MTOR: variants seen among roughly 807,000 people sequenced by gnomAD.
MTOR encodes the protein mechanistic target of rapamycin kinase, also known as serine/threonine-protein kinase mTOR.
MTOR carries 70 observed loss-of-function variants against 319.8 expected under a neutral mutation model. The observed-to-expected ratio is 0.22, with a 90% CI of 0.18 to 0.27. The LOEUF (loss-of-function observed/expected upper bound fraction) is 0.27, where lower values mean the gene tolerates loss of function less well. MTOR is among the 10% of genes least tolerant of loss of function. The pLI is 1.00. For missense variants in MTOR, 1,890 were observed against 3,274.4 expected (o/e 0.58, Z 10.32); for synonymous variants, 1,183 against 1,211.4 (o/e 0.98, Z 0.49).
At chr1:11,172,040 A>G (rs1644831277) in intron 28 of MTOR, among the ~76,000 whole-genome samples, 1 of 151,796 alleles carries the variant, frequency 6.6e-6, no homozygotes, top group Non-Finnish European at 1.5e-5. Flanking sequence ...CAAAAAAAAA[A>G]AAAAAAAGAG....
At chr1:11,240,185 A>G (rs1647820955) in intron 11 of MTOR, 118 bp downstream of exon 11, 1 of 1,352,878 alleles carries the variant, frequency 7.4e-7, no homozygotes, top group Non-Finnish European at 9.9e-7. Flanking sequence ...CTGCTACAGA[A>G]TCAGCTACCC....
chr1:11,244,845 T>C (rs950970209), intron 8 of MTOR, among the ~76,000 whole-genome samples: 1 of 152,218 alleles, frequency 6.6e-6, no homozygotes, highest in Non-Finnish European at 1.5e-5. Flanking sequence ...GCTGTACAAG[T>C]TGTAGCCCAG....
chr1:11,231,028 C>T lies in MTOR; in HGVS notation c.2676G>A (p.Gly892=), dbSNP rs1156960202. The part of the protein sequence containing the change: ...REAIRVLGLL[G]ALDPYKHKVN... ...CTTTGTGCTTGTAAGGATCCAAAGC[C>T]CCTAAAAGCCCTAACACACGGATGG... Residue 892 remains glycine (G), a synonymous_variant, in exon 18 of 58, where the codon GGG becomes GGA. Coordinates refer to ENST00000361445, the MANE Select transcript of MTOR (RefSeq NM_004958.4). 1 of 1,613,992 alleles carries T rather than the reference C, an allele frequency of 6.2e-7. No homozygotes were observed. The highest frequency in any genetic ancestry group is 2.2e-5 in the East Asian group (1 of 44,892).
chr1:11,259,187 C>A, intron 2 of MTOR, 61 bp downstream of exon 2: 1 of 1,567,674 alleles, frequency 6.4e-7, no homozygotes, highest in African/African-American at 1.4e-5. Flanking sequence ...AAAATGTAAA[C>A]CAGTGATGGT....
intron 28 of MTOR, among the ~76,000 whole-genome samples, chr1:11,187,782 G>A (rs1285794646): frequency 2.0e-5 from 3 of 152,304 alleles, no homozygotes; most frequent in South Asian, 2.1e-4. Context: ...CTAAGGCTGT[G>A]GTGCCCAGCT....
intron 28 of MTOR, among the ~76,000 whole-genome samples, chr1:11,172,011 C>G (rs1200775029): frequency 1.6e-5 from 2 of 122,204 alleles, no homozygotes; most frequent in Non-Finnish European, 3.4e-5. Context: ...GCCTGGGCAA[C>G]AAGAGCAAAA....
At chr1:11,163,943 C>A (rs1644556395) in intron 29 of MTOR, among the ~76,000 whole-genome samples, 1 of 152,110 alleles carries the variant, frequency 6.6e-6, no homozygotes, top group Non-Finnish European at 1.5e-5. Flanking sequence ...CAGAGCAGAA[C>A]TGAAGGAGAC....
intron 31 of MTOR, among the ~76,000 whole-genome samples, chr1:11,147,961 G>C (rs1057062117): frequency 1.3e-5 from 2 of 152,218 alleles, no homozygotes; most frequent in Non-Finnish European, 2.9e-5. Context: ...GAGGAGAATA[G>C]AGACAATAAA....
At chr1:11,142,831 A>G (rs1007221168) in intron 34 of MTOR, among the ~76,000 whole-genome samples, 7 of 152,210 alleles carry the variant, frequency 4.6e-5, no homozygotes, top group Non-Finnish European at 8.8e-5. Flanking sequence ...TGACCTCTCT[A>G]ACTGCCCTAT....
At chr1:11,174,440 C>A (rs1644920957) in intron 28 of MTOR, among the ~76,000 whole-genome samples, 1 of 152,202 alleles carries the variant, frequency 6.6e-6, no homozygotes. Flanking sequence ...CCAGAAGCTA[C>A]TAATATGCCT....
Position 11,134,229 on chromosome 1 carries a change from G to A in MTOR, c.5246+122C>T. The A allele has an allele frequency of 2.4e-5, 19 of 798,000 alleles. 1 individual carries two copies. The South Asian group carries it at 3.1e-4, about 13-fold the overall frequency. 49.4% of individuals were successfully genotyped at this position (798,000 alleles called of 1,614,324 possible). Reference sequence around the variant, plus strand: ...TGGTGGTTGCCTGGGATCCCTACTGGAAAAGGAAAGAGAGATGTCAGCAAT... The same window carrying A: ...TGGTGGTTGCCTGGGATCCCTACTGAAAAAGGAAAGAGAGATGTCAGCAAT... On this transcript the variant is annotated intron_variant, in intron 37 of 57. Coordinates refer to ENST00000361445, the MANE Select transcript of MTOR (RefSeq NM_004958.4).
At chr1:11,137,101 C>G (rs1358635203) in intron 36 of MTOR, among the ~76,000 whole-genome samples, 2 of 133,396 alleles carry the variant, frequency 1.5e-5, no homozygotes, top group African/African-American at 5.6e-5. Flanking sequence ...CTCAGCCTCC[C>G]AAAGTGCTGG....
chr1:11,218,804 G>A (rs1220534240), intron 19 of MTOR, among the ~76,000 whole-genome samples: 1 of 152,106 alleles, frequency 6.6e-6, no homozygotes, highest in African/African-American at 2.4e-5. Flanking sequence ...TATTTTAAAA[G>A]AACACAGTTT....
chr1:11,163,895 C>T (rs1644555534), intron 29 of MTOR, among the ~76,000 whole-genome samples: 1 of 152,080 alleles, frequency 6.6e-6, no homozygotes, highest in African/African-American at 2.4e-5. Flanking sequence ...AGAGCAAACA[C>T]ATTCAAAAGC....
chr1:11,220,243 C>G (rs983915443), intron 19 of MTOR, among the ~76,000 whole-genome samples: 4 of 151,856 alleles, frequency 2.6e-5, no homozygotes, highest in African/African-American at 9.7e-5. Context: ...GATAACAAAA[C>G]AATGAGAAGT....
intron 28 of MTOR, among the ~76,000 whole-genome samples, chr1:11,183,780 A>G (rs1034826381): frequency 6.6e-6 from 1 of 152,116 alleles, no homozygotes; most frequent in Non-Finnish European, 1.5e-5. Context: ...TGAGGTAACG[A>G]TCAACAGTCT....
At chr1:11,211,344 G>C (rs1646305252) in intron 23 of MTOR, among the ~76,000 whole-genome samples, 1 of 152,130 alleles carries the variant, frequency 6.6e-6, no homozygotes, top group Non-Finnish European at 1.5e-5. Flanking sequence ...GAGACTGCTG[G>C]GCTCCACAGC....
chr1:11,189,962 A>G, intron 28 of MTOR: 16 of 1,600,328 alleles, frequency 1.0e-5, no homozygotes, highest in Non-Finnish European at 1.4e-5. Flanking sequence ...GCAGGTAAGG[A>G]GACCAGTCCC....
intron 3 of MTOR, among the ~76,000 whole-genome samples, 197 bp downstream of exon 3, chr1:11,258,288 G>A (rs1015106059): frequency 3.3e-5 from 5 of 152,186 alleles, no homozygotes; most frequent in African/African-American, 9.7e-5. Context: ...AAAGTCACTC[G>A]ATGGTTCCGA....
Sources: allele counts gnomAD v4.1 joint callset (sites outside exome capture counted in the v4.1 genomes callset), GRCh38; gene constraint gnomAD v4.1.1; transcripts MANE v1.5; gene names NCBI Gene and HGNC (gene_info 2026-07-23, HGNC 2026-07-21).